Variants in DISP1 observed in about 807,000 individuals in gnomAD.
DISP1 encodes dispatched RND transporter family member 1, also known as protein dispatched homolog 1.
In DISP1, 30 loss-of-function variants were observed where a neutral mutation model predicts 37.3. The ratio of observed to expected loss-of-function variants is 0.80; its 90% CI spans 0.60 to 1.09. DISP1 has a LOEUF of 1.09. Ranked by LOEUF, DISP1 falls within the 50% of genes least tolerant of loss-of-function variation. The pLI is 0.00. For synonymous variants in DISP1, 634 were observed against 690.2 expected (o/e 0.92, Z 1.28); for missense variants, 1,598 against 1,879.5 (o/e 0.85, Z 2.77).
rs1671657214 is a variant in DISP1 at position 222,902,565 on chromosome 1, G to C, written c.-158-25865G>C. ...TTCGCAACCTACTCATCTGACAAAG[G>C]GCTAATATCCAGAATCTACAATGAA... is the stretch of plus-strand genomic sequence containing the variant. On this transcript the variant is annotated intron_variant, in intron 1 of 8. Transcript: ENST00000675850. Among the ~76,000 whole-genome samples the C allele has an allele frequency of 2.6e-5, 4 of 151,690 alleles. No homozygotes were observed. In the South Asian group the frequency reaches 8.4e-4, roughly 32 times the overall value.
At chr1:222,976,067 A>G (rs1455044038) in intron 3 of DISP1, among the ~76,000 whole-genome samples, 1 of 152,166 alleles carries the variant, frequency 6.6e-6, no homozygotes, top group African/African-American at 2.4e-5. Context: ...AAAGAACAGA[A>G]AAATGTTCCC....
At chr1:222,894,045 C>A (rs891554041) in intron 1 of DISP1, among the ~76,000 whole-genome samples, 1 of 152,122 alleles carries the variant, frequency 6.6e-6, no homozygotes, top group East Asian at 1.9e-4. Context: ...AGTTCCTTCT[C>A]CCAGCCGGTA....
chr1:222,961,535 G>A (rs948719360), intron 3 of DISP1, among the ~76,000 whole-genome samples: 1 of 152,148 alleles, frequency 6.6e-6, no homozygotes, highest in Admixed American at 6.5e-5. Flanking sequence ...AAAACTGGAA[G>A]CATTCCCTTT....
At chr1:222,966,319 C>A (rs531808203) in intron 3 of DISP1, among the ~76,000 whole-genome samples, 1 of 151,904 alleles carries the variant, frequency 6.6e-6, no homozygotes, top group Admixed American at 6.6e-5. Context: ...AATAACAGTA[C>A]CAGTAGTAGT....
intron 1 of DISP1, among the ~76,000 whole-genome samples, chr1:222,842,739 T>A (rs1667686084): frequency 6.6e-6 from 1 of 152,076 alleles, no homozygotes; most frequent in South Asian, 2.1e-4. Context: ...TAAGAAGTCC[T>A]GTGGTAATAA....
At chr1:222,892,243 G>A (rs1558314697) in intron 1 of DISP1, among the ~76,000 whole-genome samples, 1 of 152,160 alleles carries the variant, frequency 6.6e-6, no homozygotes, top group Non-Finnish European at 1.5e-5. Context: ...GCAACAGCAG[G>A]AAACATGACA....
intron 1 of DISP1, among the ~76,000 whole-genome samples, chr1:222,916,744 A>T (rs947720094): frequency 6.6e-6 from 1 of 152,210 alleles, no homozygotes; most frequent in African/African-American, 2.4e-5. Context: ...CATATTTCTT[A>T]TACTCTTAAA....
Position 222,943,328 on chromosome 1 carries a change from A to G in DISP1, c.505A>G (p.Ile169Val). ...HQPVQQHIAN[I>V]RPSRPFKLPK... ...GCCTGTGCAACAGCACATAGCCAACATAAGGTAAGTGATCCGAAAGTTTTG... is the reference window on the plus strand; with the variant it reads ...GCCTGTGCAACAGCACATAGCCAACGTAAGGTAAGTGATCCGAAAGTTTTG... Residue 169 changes from isoleucine (I) to valine (V), a missense_variant, in exon 3 of 9, where the codon ATA becomes GTA. Physicochemically the swap from Ile to Val is conservative, Grantham distance 29. Coordinates refer to ENST00000675850, the MANE Select transcript of DISP1 (RefSeq NM_001377229.1). 1 of 1,614,250 alleles carries G rather than the reference A, an allele frequency of 6.2e-7. No individual in the cohort carries two copies. The highest frequency in any genetic ancestry group is 8.5e-7 in the Non-Finnish European group (1 of 1,180,046).
At chr1:222,839,145 C>G (rs1258440278) in intron 1 of DISP1, among the ~76,000 whole-genome samples, 1 of 152,156 alleles carries the variant, frequency 6.6e-6, no homozygotes, top group Non-Finnish European at 1.5e-5. Context: ...ACTGTGTGGC[C>G]TGTTAGGAAC....
chr1:222,982,188 A>G (rs781528445), intron 3 of DISP1, among the ~76,000 whole-genome samples: 16 of 152,208 alleles, frequency 1.1e-4, no homozygotes, highest in Non-Finnish European at 1.6e-4. Flanking sequence ...GTATTCTCAT[A>G]TTTGTTCTGC....
At chr1:222,907,948 C>A (rs1015940254) in intron 1 of DISP1, among the ~76,000 whole-genome samples, 1 of 151,960 alleles carries the variant, frequency 6.6e-6, no homozygotes, top group Non-Finnish European at 1.5e-5. Context: ...GACTCCATCT[C>A]AAAATAAATA....
At chr1:222,939,566 T>G (rs2125484460) in intron 2 of DISP1, among the ~76,000 whole-genome samples, 1 of 150,812 alleles carries the variant, frequency 6.6e-6, no homozygotes, top group Admixed American at 6.6e-5. Flanking sequence ...CTCACGCCTG[T>G]AATCCTAATC....
At chr1:222,898,894 A>G (rs1356516005) in intron 1 of DISP1, among the ~76,000 whole-genome samples, 1 of 152,160 alleles carries the variant, frequency 6.6e-6, no homozygotes, top group Non-Finnish European at 1.5e-5. Context: ...TCTAGTTGAT[A>G]TACTTGGGCC....
At chr1:222,881,168 C>G (rs1002531200) in intron 1 of DISP1, among the ~76,000 whole-genome samples, 5 of 152,048 alleles carry the variant, frequency 3.3e-5, no homozygotes, top group Non-Finnish European at 7.4e-5. Context: ...TAAAGCAGAA[C>G]TTGTCAATAT....
intron 1 of DISP1, among the ~76,000 whole-genome samples, chr1:222,910,875 A>G (rs1321006180): frequency 6.6e-6 from 1 of 152,186 alleles, no homozygotes; most frequent in Non-Finnish European, 1.5e-5. Context: ...TTTTGAGGGT[A>G]GTTTGGCCAG....
At chr1:222,871,267 A>G (rs1056616179) in intron 1 of DISP1, among the ~76,000 whole-genome samples, 13 of 152,032 alleles carry the variant, frequency 8.6e-5, no homozygotes, top group Non-Finnish European at 1.6e-4. Context: ...TTGACTTGGC[A>G]ATGTGGGCTC....
At chr1:222,910,001 TA>T (rs1364571893) in intron 1 of DISP1, among the ~76,000 whole-genome samples, 1 of 152,158 alleles carries the variant, frequency 6.6e-6, no homozygotes, top group Non-Finnish European at 1.5e-5. Flanking sequence ...AAACACAGTT[TA>T]GTGACCAGAA....
chr1:222,883,871 C>T (rs951744366), intron 1 of DISP1, among the ~76,000 whole-genome samples: 22 of 152,156 alleles, frequency 1.4e-4, no homozygotes, highest in African/African-American at 5.3e-4. Flanking sequence ...CAAAATACAC[C>T]TGTACAAAAA....
chr1:222,817,039 C>T (rs966422884), intron 1 of DISP1, among the ~76,000 whole-genome samples: 4 of 152,128 alleles, frequency 2.6e-5, no homozygotes, highest in African/African-American at 9.7e-5. Context: ...GAGCACTTGC[C>T]CTCTTGGGCA....
Sources: gnomAD v4.1 joint callset for allele counts (sites outside exome capture counted in the v4.1 genomes callset) on GRCh38, gnomAD v4.1.1 for gene constraint, MANE v1.5 for transcripts, NCBI Gene and HGNC (gene_info 2026-07-23, HGNC 2026-07-21) for gene names.